The following WWC2 variants were observed in gnomAD, a reference collection of about 807,000 sequenced individuals.
WWC2 encodes protein WWC2.
A neutral mutation model predicts 138.5 loss-of-function variants in WWC2; 101 were observed. The ratio of observed to expected loss-of-function variants is 0.73; its 90% CI spans 0.62 to 0.86. The LOEUF is 0.86. WWC2 is among the 40% of genes least tolerant of loss of function. The pLI, the probability that WWC2 is intolerant of heterozygous loss-of-function variation, is 0.00. For missense variants in WWC2, 1,420 were observed against 1,419.4 expected (o/e 1.00, Z -0.01); for synonymous variants, 558 against 538.4 (o/e 1.04, Z -0.50).
chr4:183,161,989 T>A (rs1371408503), intron 1 of WWC2, among the ~76,000 whole-genome samples: 3 of 152,202 alleles, frequency 2.0e-5, no homozygotes, highest in Non-Finnish European at 4.4e-5. Context: ...AGGATGGAGA[T>A]GTCTCAGGGG....
intron 1 of WWC2, among the ~76,000 whole-genome samples, chr4:183,101,919 A>G (rs1743193749): frequency 6.6e-6 from 1 of 152,230 alleles, no homozygotes; most frequent in South Asian, 2.1e-4. Flanking sequence ...TGTTAAGGAA[A>G]AGAATTTTGT....
At chr4:183,153,899 C>G (rs1733717728) in intron 1 of WWC2, among the ~76,000 whole-genome samples, 1 of 151,214 alleles carries the variant, frequency 6.6e-6, no homozygotes, top group Non-Finnish European at 1.5e-5. Flanking sequence ...CCACCTCATC[C>G]TCCCAAAGTG....
chr4:183,269,540 A>C, intron 15 of WWC2: 1 of 477,946 alleles, frequency 2.1e-6, no homozygotes, highest in Non-Finnish European at 4.3e-6. Context: ...TGACAACCTG[A>C]TGAAAGATTG....
Position 183,319,945 on chromosome 4 carries a change from A to G in WWC2, c.*4216A>G, listed in dbSNP as rs1739583201. The G allele has an allele frequency of 6.2e-7, 1 of 1,613,342 alleles. No homozygotes were observed. Among genetic ancestry groups the G allele is most frequent in the Admixed American group, 1.7e-5 (1 of 59,906 alleles). On this transcript the variant is annotated 3_prime_UTR_variant, in exon 23 of 23. Transcript: ENST00000403733. ...AACCCAGAGACCAGCAGGCCCAGAA[A>G]TCCCAGCCCATTTGACAGAAACATT...
intron 1 of WWC2, among the ~76,000 whole-genome samples, chr4:183,159,266 G>A (rs899590697): frequency 2.0e-5 from 3 of 152,086 alleles, no homozygotes; most frequent in Non-Finnish European, 4.4e-5. Flanking sequence ...TTTCTGACTA[G>A]GCATGGATTT....
chr4:183,308,301 A>T (rs1739087940), intron 21 of WWC2, among the ~76,000 whole-genome samples: 1 of 152,210 alleles, frequency 6.6e-6, no homozygotes, highest in Non-Finnish European at 1.5e-5. Flanking sequence ...GTACTTCTCA[A>T]ATCAATCTAT....
rs117239435 is a variant in WWC2 at position 183,257,285 on chromosome 4, G to A, written c.1197-2354G>A. Among the ~76,000 whole-genome samples, 244 of 152,302 alleles carry A rather than the reference G, an allele frequency of 1.6e-3. 5 individuals carry two copies. The East Asian group carries it at 0.043, about 27-fold the overall frequency. ...TTAAAGCAAATAGGTGGGGGCATGA[G>A]TGTCACTTAGTTTTGAGTGGAAAAG... On this transcript the variant is annotated intron_variant, in intron 9 of 22. Transcript: ENST00000403733.
chr4:183,293,876 C>T (rs1738545179), intron 21 of WWC2, among the ~76,000 whole-genome samples: 1 of 151,930 alleles, frequency 6.6e-6, no homozygotes, highest in South Asian at 2.1e-4. Flanking sequence ...ATAAACCGTA[C>T]AGTATAGAGA....
intron 16 of WWC2, among the ~76,000 whole-genome samples, chr4:183,271,853 A>G (rs138091280): frequency 5.3e-5 from 8 of 152,270 alleles, no homozygotes; most frequent in Non-Finnish European, 1.0e-4. Flanking sequence ...AAATAACAAA[A>G]AAATTAGCTG....
intron 1 of WWC2, among the ~76,000 whole-genome samples, chr4:183,113,977 A>G (rs1444710998): frequency 6.6e-6 from 1 of 152,128 alleles, no homozygotes; most frequent in East Asian, 1.9e-4. Flanking sequence ...TTAGGGAAAG[A>G]CCGAGGGAGA....
In WWC2 at chr4:183,285,954, C is replaced by CT. The variant is rs745401027; in HGVS notation, c.3049-9dup. 1.1e-4 allele frequency: 168 copies of CT among 1,565,688 alleles called. No individual in the cohort carries two copies. The African/African-American group carries it at 1.9e-3, about 17-fold the overall frequency. ...ATATGCAGTGATTTTTTTTTTAAATCTTTTGTTGCCAGTTAAATCGGAGTG... is the reference window on the plus strand; with the variant it reads ...ATATGCAGTGATTTTTTTTTTAAATCTTTTTGTTGCCAGTTAAATCGGAGTG... On this transcript the variant is annotated splice_polypyrimidine_tract_variant and intron_variant, in intron 19 of 22. Transcript: ENST00000403733.
intron 1 of WWC2, among the ~76,000 whole-genome samples, chr4:183,129,255 A>G (rs1732849459): frequency 6.6e-6 from 1 of 152,190 alleles, no homozygotes; most frequent in Admixed American, 6.5e-5. Context: ...GTGAATAGTT[A>G]GCTTGAAGGA....
intron 1 of WWC2, among the ~76,000 whole-genome samples, chr4:183,146,710 A>G (rs1733472806): frequency 6.6e-6 from 1 of 152,088 alleles, no homozygotes; most frequent in Non-Finnish European, 1.5e-5. Context: ...GGGGCTGGGG[A>G]ATGTGACAAT....
At chr4:183,154,015 A>T (rs923475014) in intron 1 of WWC2, among the ~76,000 whole-genome samples, 1 of 151,350 alleles carries the variant, frequency 6.6e-6, no homozygotes, top group African/African-American at 2.4e-5. Context: ...AAAAAAAAAA[A>T]AAAAAAAAAA....
intron 1 of WWC2, among the ~76,000 whole-genome samples, chr4:183,111,602 C>T (rs763561112): frequency 6.6e-6 from 1 of 151,810 alleles, no homozygotes; most frequent in Non-Finnish European, 1.5e-5. Flanking sequence ...TAATTTTGGG[C>T]TGGTTGGTAA....
At chr4:183,222,010 A>T (rs1322414827) in intron 4 of WWC2, among the ~76,000 whole-genome samples, 1 of 152,228 alleles carries the variant, frequency 6.6e-6, no homozygotes. Context: ...AATGTCTATC[A>T]ATAGATAAAT....
intron 1 of WWC2, among the ~76,000 whole-genome samples, chr4:183,103,677 C>T (rs1268217774): frequency 1.1e-4 from 15 of 137,590 alleles, no homozygotes; most frequent in East Asian, 2.1e-4. Flanking sequence ...CTTGCTGTGT[C>T]GCCAGACTGG....
rs1291225126 is a variant in WWC2 at position 183,172,551 on chromosome 4, TTCTTG to T, written c.132-21046_132-21042del. ...TTTGAGAGGTCTGATGCTTTTATGT[TTCTTG>T]TTTTTTTTTTTTTTTTTTGTTATTG... On this transcript the variant is annotated intron_variant, in intron 1 of 22. Coordinates refer to ENST00000403733, the MANE Select transcript of WWC2 (RefSeq NM_024949.6). 3.4e-5 allele frequency among the ~76,000 whole-genome samples: 5 copies of T among 147,142 alleles called. No individual in the cohort carries two copies. The East Asian group carries it at 9.8e-4, about 29-fold the overall frequency.
rs148895451 is a variant in WWC2, at chr4:183,171,391, T to G, written c.132-22208T>G. On this transcript the variant is annotated intron_variant, in intron 1 of 22. Coordinates refer to ENST00000403733, the MANE Select transcript of WWC2 (RefSeq NM_024949.6). ...AATTTGATTTAAGATTCACTAGAGT[T>G]TAGTTATACTAAAAGTGTATATTGG... Among the ~76,000 whole-genome samples, 27 of 152,348 alleles carry G rather than the reference T, an allele frequency of 1.8e-4. No homozygotes were observed. The East Asian group carries it at 4.8e-3, about 27-fold the overall frequency.
Sources: allele counts gnomAD v4.1 joint callset (sites outside exome capture counted in the v4.1 genomes callset), GRCh38; gene constraint gnomAD v4.1.1; transcripts MANE v1.5; gene names NCBI Gene and HGNC (gene_info 2026-07-23, HGNC 2026-07-21).